Variants in SLC4A4 observed in about 807,000 individuals in gnomAD.
SLC4A4 encodes solute carrier family 4 member 4.
Under a neutral mutation model 111.5 loss-of-function variants are expected in SLC4A4, and 27 were observed. That is an observed-to-expected ratio of 0.24 (90% confidence interval 0.18 to 0.33). The LOEUF is 0.33. Among genes scored for constraint, SLC4A4 ranks in the 10% least tolerant of loss-of-function variants. SLC4A4 has a pLI of 1.00. For synonymous variants in SLC4A4, 443 were observed against 463.4 expected (o/e 0.96, Z 0.57); for missense variants, 909 against 1,315.5 (o/e 0.69, Z 4.78).
rs183157253 is a variant in SLC4A4 at position 71,437,405 on chromosome 4, G to A, written c.808-3211G>A. On this transcript the variant is annotated intron_variant, in intron 7 of 25. Coordinates refer to ENST00000264485, the MANE Select transcript of SLC4A4 (RefSeq NM_001098484.3). ...ATCAGTTTGTGGTGGGGATTGCATCGGGTAATACTGGAAATAATTAATTTA... is the reference window on the plus strand; with the variant it reads ...ATCAGTTTGTGGTGGGGATTGCATCAGGTAATACTGGAAATAATTAATTTA... 6.9e-5 allele frequency: 21 copies of A among 306,036 alleles called. No homozygotes were observed. The East Asian group carries it at 1.5e-3, about 23-fold the overall frequency. 19.0% of individuals were successfully genotyped at this position (306,036 alleles called of 1,614,324 possible). A position where few individuals can be genotyped will look rare whatever the true frequency, so the allele number is the denominator to read the frequency against.
intron 2 of SLC4A4, among the ~76,000 whole-genome samples, chr4:71,123,144 C>T (rs997334326): frequency 1.3e-5 from 2 of 151,896 alleles, no homozygotes; most frequent in Non-Finnish European, 2.9e-5. Context: ...AGAGAAGATA[C>T]GAGACTTAAA....
chr4:71,220,461 G>C (rs1182842565), intron 1 of SLC4A4, among the ~76,000 whole-genome samples: 1 of 152,070 alleles, frequency 6.6e-6, no homozygotes, highest in Non-Finnish European at 1.5e-5. Flanking sequence ...TCTGACATAT[G>C]CCTCTAAAGA....
At chr4:71,418,546 C>G (rs2149013921) in intron 7 of SLC4A4, among the ~76,000 whole-genome samples, 1 of 152,238 alleles carries the variant, frequency 6.6e-6, no homozygotes, top group South Asian at 2.1e-4. Flanking sequence ...AGCAATAGCT[C>G]TTTTTAGGCC....
intron 21 of SLC4A4, among the ~76,000 whole-genome samples, chr4:71,555,865 T>C (rs528168940): frequency 1.3e-5 from 2 of 151,932 alleles, no homozygotes; most frequent in Non-Finnish European, 1.5e-5. Context: ...TGAGACCCTG[T>C]CTCTTTAAAA....
intron 2 of SLC4A4, among the ~76,000 whole-genome samples, chr4:71,175,926 C>T (rs1392230963): frequency 1.3e-5 from 2 of 152,204 alleles, no homozygotes; most frequent in Non-Finnish European, 2.9e-5. Flanking sequence ...GAGGCACCCC[C>T]CAGTAGGGGC....
chr4:71,393,946 A>T (rs1719549636), intron 6 of SLC4A4, among the ~76,000 whole-genome samples: 1 of 152,174 alleles, frequency 6.6e-6, no homozygotes, highest in Admixed American at 6.5e-5. Flanking sequence ...GTGCTGAGAT[A>T]ATCGGCTAGC....
rs143374127 is a variant in SLC4A4 at position 71,537,706 on chromosome 4, AT to A, written c.2442+3328del. On this transcript the variant is annotated intron_variant, in intron 18 of 25. Coordinates refer to ENST00000264485, the MANE Select transcript of SLC4A4 (RefSeq NM_001098484.3). ...TTCCCACTATCTTTCTCTGTGGGGT[AT>A]TTTTTTTTTGATTGGCCAACTGAGT... Among the ~76,000 whole-genome samples the A allele has an allele frequency of 3.6e-3, 534 of 147,884 alleles. 3 individuals carry two copies. Among genetic ancestry groups the A allele is most frequent in the African/African-American group, 0.011 (427 of 40,470 alleles).
At chr4:71,370,360 A>G (rs1437184439) in intron 6 of SLC4A4, among the ~76,000 whole-genome samples, 11 of 152,190 alleles carry the variant, frequency 7.2e-5, no homozygotes, top group South Asian at 4.1e-4. Context: ...TAATCCCACA[A>G]TGAAGCTCTA....
chr4:71,140,262 A>T (rs1158997427), intron 2 of SLC4A4, among the ~76,000 whole-genome samples: 1 of 152,148 alleles, frequency 6.6e-6, no homozygotes, highest in Non-Finnish European at 1.5e-5. Context: ...GCTACAGAAA[A>T]TACAACAAAT....
At chr4:71,424,651 C>A (rs1047513422) in intron 7 of SLC4A4, among the ~76,000 whole-genome samples, 5 of 152,110 alleles carry the variant, frequency 3.3e-5, no homozygotes, top group African/African-American at 1.2e-4. Flanking sequence ...CCATGGAATA[C>A]TATGCAGCCA....
chr4:71,361,199 C>T lies in SLC4A4; in HGVS notation c.730+4012C>T, dbSNP rs150386426. 4.7e-3 allele frequency among the ~76,000 whole-genome samples: 711 copies of T among 152,292 alleles called. 2 individuals carry two copies. Among genetic ancestry groups the T allele is most frequent in the African/African-American group, 0.016 (659 of 41,556 alleles). ...ATCAATGCATACACATACTCACGCA[C>T]GCACACGTTCATGTATAAATATGGT... On this transcript the variant is annotated intron_variant, in intron 6 of 25. Coordinates refer to ENST00000264485, the MANE Select transcript of SLC4A4 (RefSeq NM_001098484.3).
intron 1 of SLC4A4, among the ~76,000 whole-genome samples, chr4:71,228,202 C>T (rs1161116323): frequency 2.0e-5 from 3 of 152,174 alleles, no homozygotes; most frequent in Non-Finnish European, 2.9e-5. Flanking sequence ...ATTTTCTTGC[C>T]CTTTGTTGCT....
intron 7 of SLC4A4, among the ~76,000 whole-genome samples, chr4:71,423,279 A>C (rs1024389357): frequency 1.3e-5 from 2 of 152,186 alleles, no homozygotes; most frequent in Non-Finnish European, 1.5e-5. Context: ...TCCACCTTAC[A>C]AGGGATGTGA....
At chr4:71,193,902 A>G (rs1745868012) in intron 1 of SLC4A4, among the ~76,000 whole-genome samples, 1 of 152,244 alleles carries the variant, frequency 6.6e-6, no homozygotes, top group Admixed American at 6.5e-5. Context: ...CTCATGGGAT[A>G]AAGAGATTAC....
intron 7 of SLC4A4, among the ~76,000 whole-genome samples, chr4:71,426,353 C>A (rs962224552): frequency 6.6e-6 from 1 of 152,042 alleles, no homozygotes; most frequent in African/African-American, 2.4e-5. Flanking sequence ...TTAGTTTACA[C>A]TTGATACTCG....
chr4:71,100,967 A>G (rs1170146090), intron 2 of SLC4A4, among the ~76,000 whole-genome samples: 1 of 152,184 alleles, frequency 6.6e-6, no homozygotes, highest in East Asian at 1.9e-4. Flanking sequence ...ACGGAAAAAC[A>G]TGCCATGCTC....
chr4:71,143,658 G>T (rs1299987250), intron 2 of SLC4A4, among the ~76,000 whole-genome samples: 2 of 152,148 alleles, frequency 1.3e-5, no homozygotes, highest in Non-Finnish European at 2.9e-5. Context: ...GTGTGAGATG[G>T]TATCTCATTG....
At chr4:71,414,900 A>G (rs910841812) in intron 7 of SLC4A4, among the ~76,000 whole-genome samples, 4 of 152,262 alleles carry the variant, frequency 2.6e-5, no homozygotes, top group Non-Finnish European at 4.4e-5. Context: ...AGTTAGAAAT[A>G]AAGCATTTCA....
At chr4:71,218,244 T>C (rs1718546655) in intron 1 of SLC4A4, among the ~76,000 whole-genome samples, 1 of 152,182 alleles carries the variant, frequency 6.6e-6, no homozygotes, top group Admixed American at 6.5e-5. Flanking sequence ...GAAAAGCAAA[T>C]GCAAAAAGTT....
Sources: gnomAD v4.1 joint callset for allele counts (sites outside exome capture counted in the v4.1 genomes callset) on GRCh38, gnomAD v4.1.1 for gene constraint, MANE v1.5 for transcripts, NCBI Gene and HGNC (gene_info 2026-07-23, HGNC 2026-07-21) for gene names.